RUFY4: variants seen among roughly 807,000 people sequenced by gnomAD.
The protein encoded by RUFY4 is RUN and FYVE domain containing 4.
In RUFY4, 73 loss-of-function variants were observed where a neutral mutation model predicts 69.0. The ratio of observed to expected loss-of-function variants is 1.06; its 90% CI spans 0.88 to 1.29. The LOEUF (loss-of-function observed/expected upper bound fraction) is 1.29. RUFY4 is among the 50% of genes most tolerant of loss of function. RUFY4 has a pLI of 0.00. For missense variants in RUFY4, 770 were observed against 705.6 expected, an observed-to-expected ratio of 1.09 and a Z score of -1.03; for synonymous variants, 287 against 271.8, an observed-to-expected ratio of 1.06 and a Z score of -0.55.
chr2:218,038,847 G>T (rs2106024744), intron 2 of RUFY4, among the ~76,000 whole-genome samples: 1 of 152,286 alleles, frequency 6.6e-6, no homozygotes, highest in East Asian at 1.9e-4. Flanking sequence ...AAAGAAAAGG[G>T]AGAGAGGGTG....
intron 2 of RUFY4, among the ~76,000 whole-genome samples, chr2:218,036,246 A>C (rs1422469753): frequency 6.6e-6 from 1 of 152,078 alleles, no homozygotes; most frequent in Admixed American, 6.5e-5. Context: ...TGGCCTACAA[A>C]ATAGAGCTGG....
chr2:218,066,497 C>T (rs547138831), upstream of RUFY4, among the ~76,000 whole-genome samples: 143 of 152,360 alleles, frequency 9.4e-4, 1 homozygote, highest in Middle Eastern at 0.014. Context: ...TTCTACAGCA[C>T]TCTGCTTTAT....
chr2:218,079,287 G>A (rs1269286728), intron 8 of RUFY4, among the ~76,000 whole-genome samples: 2 of 152,232 alleles, frequency 1.3e-5, no homozygotes, highest in Non-Finnish European at 2.9e-5. Context: ...TGGGCTGGCA[G>A]CATGGAGCAA....
At chr2:218,050,617 C>A (rs1207623743) in intron 2 of RUFY4, among the ~76,000 whole-genome samples, 1 of 152,192 alleles carries the variant, frequency 6.6e-6, no homozygotes, top group African/African-American at 2.4e-5. Context: ...GTTCTATGAC[C>A]TTCTTATAGC....
chr2:218,061,258 T>C, intron 3 of RUFY4: 1 of 351,096 alleles, frequency 2.8e-6, no homozygotes, highest in South Asian at 2.3e-5. Context: ...AGGGCATAGA[T>C]GATGATCAAA....
intron 2 of RUFY4, among the ~76,000 whole-genome samples, chr2:218,053,740 C>T (rs936125154): frequency 2.0e-5 from 3 of 152,056 alleles, no homozygotes; most frequent in Non-Finnish European, 2.9e-5. Flanking sequence ...CTTCGTGATC[C>T]GCCCGCCTCG....
intron 8 of RUFY4, 138 bp downstream of exon 10, chr2:218,076,671 G>A (rs1689640524): frequency 1.5e-6 from 2 of 1,375,940 alleles, no homozygotes; most frequent in Non-Finnish European, 1.9e-6. Context: ...TGGGATCTGA[G>A]GCCTGCAGGG....
intron 2 of RUFY4, among the ~76,000 whole-genome samples, chr2:218,056,793 A>G (rs1436788487): frequency 6.6e-6 from 1 of 152,184 alleles, no homozygotes; most frequent in Admixed American, 6.5e-5. Context: ...TTTCAAGACT[A>G]GTTTTATCCA....
At chr2:218,056,615 A>T (rs938143096) in intron 2 of RUFY4, among the ~76,000 whole-genome samples, 4 of 152,232 alleles carry the variant, frequency 2.6e-5, no homozygotes, top group African/African-American at 9.6e-5. Flanking sequence ...AAAATTGATT[A>T]CATAAATTAC....
At chr2:218,067,249 C>T (rs1263182904), upstream of RUFY4, among the ~76,000 whole-genome samples, 1 of 152,216 alleles carries the variant, frequency 6.6e-6, no homozygotes, top group Non-Finnish European at 1.5e-5. Context: ...CCTCCCGGGC[C>T]CCTTGCTCTG....
chr2:218,073,878 C>T, exon 6 of RUFY4: 1 of 1,613,886 alleles, frequency 6.2e-7, no homozygotes, highest in Non-Finnish European at 8.5e-7. Flanking sequence ...AAAGATGCCC[C>T]AAAGAAGGTG....
At chr2:218,073,759 G>A (rs950479045) in intron 5 of RUFY4, 57 bp from the exon 8 acceptor site, 25 of 1,595,538 alleles carry the variant, frequency 1.6e-5, no homozygotes, top group Non-Finnish European at 2.1e-5. Context: ...CTCCATCTGA[G>A]GACCAAGCCC....
intron 2 of RUFY4, among the ~76,000 whole-genome samples, chr2:218,040,122 A>G (rs1959040926): frequency 6.6e-6 from 1 of 152,232 alleles, no homozygotes; most frequent in South Asian, 2.1e-4. Context: ...AATAAATTCA[A>G]GAAAAGGAAA....
chr2:218,071,896 G>T (rs1020024356), intron 2 of RUFY4, among the ~76,000 whole-genome samples: 1 of 152,118 alleles, frequency 6.6e-6, no homozygotes, highest in Non-Finnish European at 1.5e-5. Context: ...CATCCCTGGG[G>T]CTGTGCTTTA....
chr2:218,079,324 G>A (rs1310925495), intron 8 of RUFY4, among the ~76,000 whole-genome samples: 1 of 152,214 alleles, frequency 6.6e-6, no homozygotes, highest in Non-Finnish European at 1.5e-5. Flanking sequence ...TTTGGATGAA[G>A]TGTGAAGTAG....
At chr2:218,074,005 G>A (rs1689561224) in intron 6 of RUFY4, 120 bp downstream of exon 8, 2 of 983,032 alleles carry the variant, frequency 2.0e-6, no homozygotes, top group African/African-American at 1.6e-5. Flanking sequence ...CTACAGGACA[G>A]ACAGAGCAAG....
At chr2:218,061,687 C>A (rs1399140533) in intron 3 of RUFY4, among the ~76,000 whole-genome samples, 2 of 152,242 alleles carry the variant, frequency 1.3e-5, no homozygotes, top group African/African-American at 4.8e-5. Flanking sequence ...TTTCCCATGA[C>A]ATCACAGTCT....
rs1688790864 is a variant in RUFY4, at chr2:218,044,839, C to A, written c.-1158+9445C>A. Among the ~76,000 whole-genome samples, 3 of 152,256 alleles carry A rather than the reference C, an allele frequency of 2.0e-5. No homozygotes were observed. In the South Asian group the frequency reaches 6.2e-4, roughly 32 times the overall value. On this transcript the variant is annotated intron_variant and NMD_transcript_variant, in intron 2 of 13. Coordinates refer to the RUFY4 transcript ENST00000457754. ...ACCACATTTTCTTCATCCAGTCTAC[C>A]ATTGATGGGAATTTAGGTTGATTCT...
At chr2:218,057,133 C>G (rs1205222589) in intron 2 of RUFY4, among the ~76,000 whole-genome samples, 2 of 151,720 alleles carry the variant, frequency 1.3e-5, no homozygotes, top group South Asian at 2.1e-4. Flanking sequence ...GCTGTCCTAT[C>G]TATCAGAGCT....
Sources: allele counts gnomAD v4.1 joint callset (sites outside exome capture counted in the v4.1 genomes callset), GRCh38; gene constraint gnomAD v4.1.1; transcripts MANE v1.5; gene names NCBI Gene and HGNC (gene_info 2026-07-23, HGNC 2026-07-21).